PBX3: variants seen among roughly 807,000 people sequenced by gnomAD.
PBX3 encodes PBX homeobox 3, also known as pre-B-cell leukemia transcription factor 3.
In PBX3, 14 loss-of-function variants were observed where a neutral mutation model predicts 48.5. The ratio of observed to expected loss-of-function variants is 0.29; its 90% CI spans 0.19 to 0.45. PBX3 has a LOEUF of 0.45. Among genes scored for constraint, PBX3 ranks in the 20% least tolerant of loss-of-function variants. PBX3 has a pLI of 1.00. For missense variants in PBX3, 386 were observed against 546.7 expected, an observed-to-expected ratio of 0.71 and a Z score of 2.93; for synonymous variants, 210 against 200.3, an observed-to-expected ratio of 1.05 and a Z score of -0.41.
In PBX3 at chr9:125,764,821, T is replaced by G. The variant is rs140308415; in HGVS notation, c.274+16198T>G. 6.6e-3 allele frequency among the ~76,000 whole-genome samples: 979 copies of G among 148,896 alleles called. 12 individuals are homozygous for G. The highest frequency in any genetic ancestry group is 0.023 in the African/African-American group (930 of 41,282). ...TTTATATTTTATTTTTAGAACTCTA[T>G]GTATTGGGATATAATTATAGTTCAA... On this transcript the variant is annotated intron_variant, in intron 2 of 8. Coordinates refer to ENST00000373489, the MANE Select transcript of PBX3 (RefSeq NM_006195.6).
chr9:125,812,182 A>T (rs552875793), intron 2 of PBX3, among the ~76,000 whole-genome samples: 1 of 152,238 alleles, frequency 6.6e-6, no homozygotes, highest in Admixed American at 6.5e-5. Context: ...ACCCAGTCTA[A>T]CTTATTTTAA....
chr9:125,773,834 C>G (rs1238288159), intron 2 of PBX3, among the ~76,000 whole-genome samples: 1 of 152,102 alleles, frequency 6.6e-6, no homozygotes, highest in Non-Finnish European at 1.5e-5. Flanking sequence ...TGCTTGAGGA[C>G]ATTAGTTTTT....
intron 2 of PBX3, among the ~76,000 whole-genome samples, chr9:125,858,622 ATTTTTTTT>A (rs36077474): frequency 8.5e-6 from 1 of 117,802 alleles, no homozygotes; most frequent in African/African-American, 3.2e-5. Context: ...ACTTTGGTCC[ATTTTTTTT>A]TTTTTTTTTT....
At chr9:125,851,834 G>A (rs1036724479) in intron 2 of PBX3, among the ~76,000 whole-genome samples, 1 of 137,478 alleles carries the variant, frequency 7.3e-6, no homozygotes, top group African/African-American at 2.7e-5. Flanking sequence ...AAAAGCATTT[G>A]TTTAGAAGTT....
chr9:125,898,755 T>C (rs1322618161), intron 2 of PBX3, among the ~76,000 whole-genome samples: 3 of 151,876 alleles, frequency 2.0e-5, no homozygotes, highest in Non-Finnish European at 2.9e-5. Flanking sequence ...AGCAGATTGA[T>C]TTAGTACATT....
At position 125,915,662 on chromosome 9, in the gene PBX3, GTCTC is replaced by G. The variant is rs753352857; in HGVS notation, c.275-14_275-11del. 3.9e-6 allele frequency: 6 copies of G among 1,553,406 alleles called. No homozygotes were observed. The highest frequency in any genetic ancestry group is 1.9e-5 in the Admixed American group (1 of 53,626). On this transcript the variant is annotated intron_variant, in intron 2 of 8. Coordinates refer to ENST00000373489, the MANE Select transcript of PBX3 (RefSeq NM_006195.6). The stretch of plus-strand genomic sequence containing the variant: ...TCTGTTTCTCGCTTCTTCTCTCTCT[GTCTC>G]TCTCTCTCTTTCCTTGAAGGTCTCA...
At chr9:125,951,124 T>C (rs532318906) in intron 5 of PBX3, among the ~76,000 whole-genome samples, 1 of 152,314 alleles carries the variant, frequency 6.6e-6, no homozygotes, top group South Asian at 2.1e-4. Flanking sequence ...GCAAAGTTCC[T>C]AGTACAGAGC....
intron 2 of PBX3, among the ~76,000 whole-genome samples, chr9:125,805,872 G>A (rs1003265949): frequency 2.6e-5 from 4 of 152,138 alleles, no homozygotes; most frequent in Non-Finnish European, 4.4e-5. Flanking sequence ...TCTGTGGTAT[G>A]CCAGGCACTA....
At chr9:125,807,432 G>A (rs1467695342) in intron 2 of PBX3, among the ~76,000 whole-genome samples, 1 of 152,202 alleles carries the variant, frequency 6.6e-6, no homozygotes, top group African/African-American at 2.4e-5. Context: ...CAGGGAGGAA[G>A]CAAGTGTTGA....
In PBX3 at chr9:125,883,686, A is replaced by G. The variant is rs1840433766; in HGVS notation, c.275-32000A>G. Among the ~76,000 whole-genome samples, 3 of 152,062 alleles carry G rather than the reference A, an allele frequency of 2.0e-5. No homozygotes were observed. The South Asian group carries it at 6.2e-4, about 32-fold the overall frequency. On this transcript the variant is annotated intron_variant, in intron 2 of 8. Coordinates refer to ENST00000373489, the MANE Select transcript of PBX3 (RefSeq NM_006195.6). ...GGAACTATTTCAAACTGTGATGGGGAAAGTAGCAACTGCAAACATTCCTCC... is the reference window on the plus strand; with the variant it reads ...GGAACTATTTCAAACTGTGATGGGGGAAGTAGCAACTGCAAACATTCCTCC...
intron 2 of PBX3, among the ~76,000 whole-genome samples, chr9:125,909,386 G>A (rs1375276374): frequency 6.6e-6 from 1 of 152,170 alleles, no homozygotes; most frequent in Non-Finnish European, 1.5e-5. Flanking sequence ...ACACCTTCCT[G>A]TGGTAGCAAG....
chr9:125,803,948 C>T (rs1214511993), intron 2 of PBX3, among the ~76,000 whole-genome samples: 1 of 152,152 alleles, frequency 6.6e-6, no homozygotes, highest in Non-Finnish European at 1.5e-5. Context: ...CTCTACATGT[C>T]GTAAAAGGTG....
intron 2 of PBX3, chr9:125,845,067 A>G (rs1297484787): frequency 1.3e-5 from 2 of 152,090 alleles, no homozygotes; most frequent in East Asian, 1.9e-4. Context: ...TGAACAAACT[A>G]CTGTCACTAT....
chr9:125,847,425 C>T (rs889938319), intron 2 of PBX3, among the ~76,000 whole-genome samples: 5 of 151,730 alleles, frequency 3.3e-5, no homozygotes, highest in Admixed American at 1.3e-4. Context: ...TAGAATTCTA[C>T]ATAATTATTT....
chr9:125,918,796 C>T (rs947197153), intron 3 of PBX3, among the ~76,000 whole-genome samples: 3 of 152,114 alleles, frequency 2.0e-5, no homozygotes, highest in African/African-American at 7.2e-5. Flanking sequence ...TGTAGTTCTC[C>T]AAAGTTATTA....
intron 5 of PBX3, among the ~76,000 whole-genome samples, chr9:125,948,705 C>T (rs1208601499): frequency 6.7e-6 from 1 of 148,524 alleles, no homozygotes; most frequent in Non-Finnish European, 1.5e-5. Flanking sequence ...CAGGTATATA[C>T]GTGTGTGTGT....
At chr9:125,770,790 A>T (rs1836921293) in intron 2 of PBX3, among the ~76,000 whole-genome samples, 1 of 152,242 alleles carries the variant, frequency 6.6e-6, no homozygotes, top group African/African-American at 2.4e-5. Context: ...AACATTAGCA[A>T]CATCAACTAC....
intron 2 of PBX3, among the ~76,000 whole-genome samples, chr9:125,861,711 A>G (rs1839866951): frequency 6.6e-6 from 1 of 152,222 alleles, no homozygotes; most frequent in Non-Finnish European, 1.5e-5. Context: ...GAGAGAAACC[A>G]TTTATCAAGG....
intron 5 of PBX3, among the ~76,000 whole-genome samples, chr9:125,940,438 C>G (rs1362314559): frequency 6.6e-6 from 1 of 152,166 alleles, no homozygotes; most frequent in African/African-American, 2.4e-5. Context: ...TGATTATGTG[C>G]CAAATACTGT....
Sources: allele counts gnomAD v4.1 joint callset (sites outside exome capture counted in the v4.1 genomes callset), GRCh38; gene constraint gnomAD v4.1.1; transcripts MANE v1.5; gene names NCBI Gene and HGNC (gene_info 2026-07-23, HGNC 2026-07-21).